Variants in ZNF559 observed in about 807,000 individuals in gnomAD.
The protein encoded by ZNF559 is zinc finger protein 559, also known as putative protein product of Nbla00121.
ZNF559 carries 17 observed loss-of-function variants against 14.2 expected under a neutral mutation model. That is an observed-to-expected ratio of 1.20 (90% CI 0.82 to 1.80). The LOEUF (loss-of-function observed/expected upper bound fraction) is 1.80. Among genes scored for constraint, ZNF559 ranks in the 40% most tolerant of loss-of-function variants. The pLI, the probability that ZNF559 is intolerant of heterozygous loss-of-function variation, is 0.00. For missense variants in ZNF559, 740 were observed against 629.7 expected (o/e 1.18, Z -1.88); for synonymous variants, 244 against 212.4 (o/e 1.15, Z -1.29).
In ZNF559 at chr19:9,342,010, T is replaced by C. The variant is rs777463601; in HGVS notation, c.559T>C (p.Cys187Arg). ...KTHTQEKPYKCSDCEKGLPSS... is the reference protein window; with the variant it reads ...KTHTQEKPYKRSDCEKGLPSS... The stretch of plus-strand genomic sequence containing the variant: ...TCACACTCAAGAGAAACCATATAAA[T>C]GCAGTGACTGTGAAAAAGGCTTACC... Residue 187 changes from cysteine to arginine, a missense_variant, in exon 7 of 7, where the codon TGC becomes CGC. Transcript: ENST00000603380. 6 of 1,610,614 alleles carry C rather than the reference T, an allele frequency of 3.7e-6. No homozygotes were observed. The African/African-American group carries it at 6.7e-5, about 18-fold the overall frequency.
At chr19:9,324,628 C>CA (rs1420733473) in intron 1 of ZNF559, 67 bp from the exon 2 acceptor site, 1 of 925,282 alleles carries the variant, frequency 1.1e-6, no homozygotes, top group Non-Finnish European at 1.5e-6. Flanking sequence ...ACCCCCCCCC[C>CA]CAACCATCTC....
Position 9,339,192 on chromosome 19 carries a change from G to T in ZNF559, c.34-1G>T. 1 of 1,613,712 alleles carries T rather than the reference G, an allele frequency of 6.2e-7. No homozygotes were observed. The highest frequency in any genetic ancestry group is 8.5e-7 in the Non-Finnish European group (1 of 1,179,756). ...ACGCCAGCATGTGTGTGATGGTTTAGGACTCAGTGACCTTTGAGGATGTGG... is the reference window on the plus strand; with the variant it reads ...ACGCCAGCATGTGTGTGATGGTTTATGACTCAGTGACCTTTGAGGATGTGG... On this transcript the variant is annotated splice_acceptor_variant, in intron 4 of 6. Coordinates refer to ENST00000603380, the MANE Select transcript of ZNF559 (RefSeq NM_032497.3). LOFTEE classifies it high-confidence loss of function.
chr19:9,325,541 C>T (rs1007479826), intron 2 of ZNF559, among the ~76,000 whole-genome samples: 1 of 152,074 alleles, frequency 6.6e-6, no homozygotes, highest in African/African-American at 2.4e-5. Context: ...GCCTGTAATC[C>T]CAGCATGTTG....
rs200072814 is a variant in ZNF559 at position 9,339,265 on chromosome 19, A to C, written c.106A>C (p.Arg36=). Residue 36 remains arginine, a synonymous_variant, in exon 5 of 7, where the codon AGA becomes CGA. Coordinates refer to ENST00000603380, the MANE Select transcript of ZNF559 (RefSeq NM_032497.3). ...GTGGACTTTGCTGGATCAAACTCAG[A>C]GAAACTTATACAGAGATGTGATGCT... is the stretch of plus-strand genomic sequence containing the variant. The part of the protein sequence containing the change: ...EEWTLLDQTQ[R]NLYRDVMLEN... The C allele has an allele frequency of 2.0e-5, 32 of 1,613,944 alleles. No individual in the cohort carries two copies. Among genetic ancestry groups the C allele is most frequent in the Non-Finnish European group, 2.5e-5 (29 of 1,179,964 alleles).
intron 2 of ZNF559, among the ~76,000 whole-genome samples, chr19:9,331,123 CATTT>C (rs758681868): frequency 1.3e-5 from 2 of 152,200 alleles, no homozygotes; most frequent in Non-Finnish European, 2.9e-5. Context: ...ATGTCTGCCT[CATTT>C]CTTTCTCAGA....
Position 9,342,341 on chromosome 19 carries a change from ATGTT to A in ZNF559, c.894_897del (p.Cys299MetfsTer17). On this transcript the variant is annotated frameshift_variant, in exon 7 of 7. Coordinates refer to ENST00000603380, the MANE Select transcript of ZNF559 (RefSeq NM_032497.3). LOFTEE classifies it low-confidence loss of function (END_TRUNC). ...AGACTTAGAACTAGAGGAAAACACTATGTTTGTAATGAATGTGGCAAAGAATTTA... is the reference window on the plus strand; with the variant it reads ...AGACTTAGAACTAGAGGAAAACACTATGTAATGAATGTGGCAAAGAATTTA... 6.2e-7 allele frequency: 1 copy of A among 1,606,084 alleles called. No homozygotes were observed. Among genetic ancestry groups the A allele is most frequent in the Non-Finnish European group, 8.5e-7 (1 of 1,176,582 alleles).
At position 9,337,907 on chromosome 19, in the gene ZNF559, G is replaced by T; in HGVS notation, c.-57+49G>T. ...TACTTAATCAAGAGGAATTGAGATT[G>T]ACTTACCCATAAGTTCAGACAGTGT... is the stretch of plus-strand genomic sequence containing the variant. On this transcript the variant is annotated intron_variant, in intron 3 of 6. Transcript: ENST00000603380. 3 of 1,534,598 alleles carry T rather than the reference G, an allele frequency of 2.0e-6. No individual in the cohort carries two copies. The South Asian group carries it at 3.6e-5, about 18-fold the overall frequency.
rs1294812543 is a variant in ZNF559 at position 9,344,869 on chromosome 19, A to G, written c.*1801A>G. The stretch of plus-strand genomic sequence containing the variant: ...TCAGTAAGTTTGAGATATAATTGCC[A>G]TGTAATAAACTGCACATGTTTTTAG... On this transcript the variant is annotated 3_prime_UTR_variant, in exon 7 of 7. Transcript: ENST00000603380. 2 of 152,208 alleles carry G rather than the reference A, an allele frequency of 1.3e-5. No individual in the cohort carries two copies. Among genetic ancestry groups the G allele is most frequent in the Admixed American group, 1.3e-4 (2 of 15,282 alleles). 9.4% of individuals were successfully genotyped at this position (152,208 alleles called of 1,614,324 possible).
At chr19:9,325,131 C>G (rs2066508674) in intron 2 of ZNF559, among the ~76,000 whole-genome samples, 1 of 152,130 alleles carries the variant, frequency 6.6e-6, no homozygotes, top group Non-Finnish European at 1.5e-5. Context: ...GGTGGGTTTT[C>G]TACCAGTTAC....
At chr19:9,338,073 T>C in intron 3 of ZNF559, 8 of 1,473,990 alleles carry the variant, frequency 5.4e-6, no homozygotes, top group Middle Eastern at 1.7e-4. Flanking sequence ...TGTGAACAGC[T>C]TGTCTTGTGA....
intron 2 of ZNF559, among the ~76,000 whole-genome samples, chr19:9,329,075 G>GT (rs1231021284): frequency 1.0e-5 from 1 of 98,072 alleles, no homozygotes; most frequent in Non-Finnish European, 2.1e-5. Flanking sequence ...GTGTTTTTTT[G>GT]TTTTTTGGGC....
intron 2 of ZNF559, among the ~76,000 whole-genome samples, chr19:9,325,221 G>A (rs1057333829): frequency 6.6e-6 from 1 of 152,040 alleles, no homozygotes; most frequent in African/African-American, 2.4e-5. Flanking sequence ...GAGGCTGGAG[G>A]ATCGCTTGAG....
chr19:9,325,005 C>CG (rs1286298919), intron 2 of ZNF559, among the ~76,000 whole-genome samples: 1 of 152,200 alleles, frequency 6.6e-6, no homozygotes, highest in African/African-American at 2.4e-5. Flanking sequence ...CTCACTCTAG[C>CG]GCCCTGTAGA....
At chr19:9,338,178 GA>G (rs2067345156) in intron 3 of ZNF559, among the ~76,000 whole-genome samples, 1 of 152,202 alleles carries the variant, frequency 6.6e-6, no homozygotes, top group South Asian at 2.1e-4. Context: ...TGGGATTTGG[GA>G]AGGAGGAGTA....
rs115964343 is a variant in ZNF559, at chr19:9,324,656, A to G, written c.-205-39A>G. The G allele has an allele frequency of 9.4e-3, 13,350 of 1,415,614 alleles. 91 individuals carry two copies. The highest frequency in any genetic ancestry group is 0.011 in the Non-Finnish European group (11,430 of 1,058,784). The allele number at this position is 1,415,614 out of a possible 1,614,324, so 87.7% of individuals were successfully genotyped here. A position where few individuals can be genotyped will look rare whatever the true frequency, so the allele number is the denominator to read the frequency against. On this transcript the variant is annotated intron_variant, in intron 1 of 6. Coordinates refer to ENST00000603380, the MANE Select transcript of ZNF559 (RefSeq NM_032497.3). ...ACCATCTCTAATGGAAAAAAAAAAA[A>G]AAGTCTCCACATCCAGCGTTGTGCC... is the stretch of plus-strand genomic sequence containing the variant.
At chr19:9,339,051 C>A in intron 4 of ZNF559, 142 bp from the exon 5 acceptor site, 1 of 1,108,570 alleles carries the variant, frequency 9.0e-7, no homozygotes, top group Non-Finnish European at 1.3e-6. Context: ...TATGTACAGA[C>A]AGGGGAGAAG....
Position 9,337,878 on chromosome 19 carries a change from C to G in ZNF559, c.-57+20C>G, listed in dbSNP as rs2067326051. The G allele has an allele frequency of 2.0e-6, 3 of 1,526,656 alleles. No homozygotes were observed. Among genetic ancestry groups the G allele is most frequent in the Non-Finnish European group, 2.6e-6 (3 of 1,141,334 alleles). 94.6% of individuals were successfully genotyped at this position (1,526,656 alleles called of 1,614,324 possible). Reference sequence around the variant, plus strand: ...TTGACGGTATGAGGCAAGACTCCCACTACTACTTAATCAAGAGGAATTGAG... The same window carrying G: ...TTGACGGTATGAGGCAAGACTCCCAGTACTACTTAATCAAGAGGAATTGAG... On this transcript the variant is annotated intron_variant, in intron 3 of 6. Coordinates refer to ENST00000603380, the MANE Select transcript of ZNF559 (RefSeq NM_032497.3).
rs1317182478 is a variant in ZNF559 at position 9,344,060 on chromosome 19, G to GT, written c.*993dup. On this transcript the variant is annotated 3_prime_UTR_variant, in exon 7 of 7. Transcript: ENST00000603380. ...GGAGTTCGAGACCAGCCTGGCCAAC[G>GT]TGGTGAAACCCCATCTCTACTAAAA... 1 of 151,460 alleles carries GT rather than the reference G, an allele frequency of 6.6e-6. No homozygotes were observed. The highest frequency in any genetic ancestry group is 2.0e-4 in the East Asian group (1 of 5,008). 9.4% of individuals were successfully genotyped at this position (151,460 alleles called of 1,614,324 possible).
In ZNF559 at chr19:9,342,494, C is replaced by A; in HGVS notation, c.1043C>A (p.Thr348Asn). The A allele has an allele frequency of 6.2e-7, 1 of 1,614,144 alleles. No individual in the cohort carries two copies. The highest frequency in any genetic ancestry group is 1.1e-5 in the South Asian group (1 of 91,082). The part of the protein sequence containing the change: ...SGLIKHRRTH[T>N]GEKPYECKEC... ...CTTATAAAACACAGGCGAACTCACA[C>A]TGGAGAAAAGCCTTATGAATGTAAG... The change falls in exon 7 of 7, where the codon ACT (threonine) becomes AAT (asparagine). Residue 348 changes from threonine (T) to asparagine (N), a missense_variant. Physicochemically the swap from Thr to Asn is moderately conservative, Grantham distance 65 (BLOSUM62 0). Coordinates refer to ENST00000603380, the MANE Select transcript of ZNF559 (RefSeq NM_032497.3).
Sources: gnomAD v4.1 joint callset for allele counts (sites outside exome capture counted in the v4.1 genomes callset) on GRCh38, gnomAD v4.1.1 for gene constraint, MANE v1.5 for transcripts, NCBI Gene and HGNC (gene_info 2026-07-23, HGNC 2026-07-21) for gene names.